The following NRG1 variants were observed in gnomAD, a reference collection of about 807,000 sequenced individuals.
NRG1 encodes pro-neuregulin-1, membrane-bound isoform.
A neutral mutation model predicts 63.8 loss-of-function variants in NRG1; 18 were observed. The ratio of observed to expected loss-of-function variants is 0.28; its 90% confidence interval spans 0.19 to 0.42. The LOEUF (loss-of-function observed/expected upper bound fraction) is 0.42. Among genes scored for constraint, NRG1 ranks in the 10% least tolerant of loss-of-function variants. NRG1 has a pLI of 1.00. For synonymous variants in NRG1, 302 were observed against 301.3 expected (o/e 1.00, Z -0.02); for missense variants, 762 against 814.7 (o/e 0.94, Z 0.79).
intron 1 of NRG1, among the ~76,000 whole-genome samples, chr8:31,813,973 C>T (rs1344430441): frequency 6.6e-6 from 1 of 152,192 alleles, no homozygotes; most frequent in Admixed American, 6.5e-5. Context: ...CAAATTATTA[C>T]ATGCCAGTGA....
chr8:32,504,601 AT>A (rs1375543831), intron 1 of NRG1, among the ~76,000 whole-genome samples: 2 of 152,160 alleles, frequency 1.3e-5, no homozygotes, highest in African/African-American at 4.8e-5. Context: ...TTATTTTAAA[AT>A]TTAATTTATT....
chr8:32,172,441 C>G (rs889662375), intron 1 of NRG1, among the ~76,000 whole-genome samples: 1 of 152,198 alleles, frequency 6.6e-6, no homozygotes, highest in East Asian at 1.9e-4. Flanking sequence ...CAGAACGCCT[C>G]TCCTCCTCCA....
At chr8:32,198,384 G>A (rs1469146387) in intron 1 of NRG1, among the ~76,000 whole-genome samples, 2 of 152,020 alleles carry the variant, frequency 1.3e-5, no homozygotes, top group African/African-American at 4.8e-5. Context: ...CGCCATGTTG[G>A]TCAGGCTGGT....
chr8:32,146,030 T>C (rs900949486), intron 1 of NRG1, among the ~76,000 whole-genome samples: 5 of 152,300 alleles, frequency 3.3e-5, no homozygotes, highest in African/African-American at 1.2e-4. Context: ...AATAATTTCT[T>C]GGGAAGAGTT....
intron 11 of NRG1, 21 bp from the exon 12 acceptor site, chr8:32,763,727 G>A (rs1271724815): frequency 6.6e-7 from 1 of 1,525,828 alleles, no homozygotes; most frequent in Admixed American, 2.2e-5. Context: ...CACTTATGCA[G>A]GGTATTCTGT....
intron 1 of NRG1, among the ~76,000 whole-genome samples, chr8:31,851,135 A>G (rs1232736490): frequency 6.6e-6 from 1 of 152,244 alleles, no homozygotes; most frequent in Non-Finnish European, 1.5e-5. Flanking sequence ...TAGTAGTCTC[A>G]TTGCTTTATT....
chr8:32,249,492 A>G (rs1156391382), intron 1 of NRG1, among the ~76,000 whole-genome samples: 2 of 152,148 alleles, frequency 1.3e-5, no homozygotes, highest in Admixed American at 6.6e-5. Context: ...CAAACAGAAA[A>G]GCGTAGCAAA....
chr8:32,685,128 A>G (rs1404524210), intron 5 of NRG1, among the ~76,000 whole-genome samples: 1 of 152,198 alleles, frequency 6.6e-6, no homozygotes, highest in Non-Finnish European at 1.5e-5. Flanking sequence ...CTATTAAAAA[A>G]AATTTAAATT....
At chr8:32,401,342 A>T (rs892592744) in intron 1 of NRG1, among the ~76,000 whole-genome samples, 1 of 152,012 alleles carries the variant, frequency 6.6e-6, no homozygotes, top group African/African-American at 2.4e-5. Flanking sequence ...AAAAAATAAA[A>T]CTGCAAACGT....
chr8:32,326,225 G>A (rs1301247549), intron 1 of NRG1, among the ~76,000 whole-genome samples: 1 of 151,146 alleles, frequency 6.6e-6, no homozygotes, highest in Non-Finnish European at 1.5e-5. Context: ...GGTCAGGCTG[G>A]TCTTGAACTC....
At chr8:32,235,740 A>G (rs1335136467) in intron 1 of NRG1, among the ~76,000 whole-genome samples, 1 of 152,186 alleles carries the variant, frequency 6.6e-6, no homozygotes, top group Non-Finnish European at 1.5e-5. Context: ...TAAAGTTAAC[A>G]CTTTCAAAAA....
At chr8:31,652,850 T>G (rs2130889519) in intron 1 of NRG1, among the ~76,000 whole-genome samples, 1 of 152,142 alleles carries the variant, frequency 6.6e-6, no homozygotes, top group Non-Finnish European at 1.5e-5. Flanking sequence ...TTTCTTTGCT[T>G]TTCCTTTTCT....
Position 31,667,336 on chromosome 8 carries a change from T to A in NRG1, c.37+27905T>A, listed in dbSNP as rs1585523302. Among the ~76,000 whole-genome samples the A allele has an allele frequency of 2.6e-5, 4 of 152,244 alleles. No homozygotes were observed. The South Asian group carries it at 6.2e-4, about 24-fold the overall frequency. ...AGAGGTTGGAGTTTGTGGCTCAGAT[T>A]TGGGAGGGTTCATTTATCAATTCAT... On this transcript the variant is annotated intron_variant, in intron 1 of 10. Coordinates refer to the NRG1 transcript ENST00000519301.
At chr8:31,644,114 A>AT (rs1419289232) in intron 1 of NRG1, among the ~76,000 whole-genome samples, 2 of 152,188 alleles carry the variant, frequency 1.3e-5, no homozygotes, top group African/African-American at 4.8e-5. Context: ...TGCTGCAGAG[A>AT]TTTTCCAGTC....
At chr8:32,362,509 A>G (rs1807358818) in intron 1 of NRG1, among the ~76,000 whole-genome samples, 1 of 152,216 alleles carries the variant, frequency 6.6e-6, no homozygotes, top group African/African-American at 2.4e-5. Flanking sequence ...TTACAATGGT[A>G]TCTGTAGTAC....
At chr8:32,755,049 T>A (rs762976939) in intron 8 of NRG1, among the ~76,000 whole-genome samples, 2 of 152,182 alleles carry the variant, frequency 1.3e-5, no homozygotes, top group African/African-American at 2.4e-5. Flanking sequence ...TTTTAAATTC[T>A]ATCTAATTAG....
chr8:32,709,269 A>G (rs1817215188), intron 5 of NRG1, among the ~76,000 whole-genome samples: 1 of 152,196 alleles, frequency 6.6e-6, no homozygotes, highest in Non-Finnish European at 1.5e-5. Context: ...TAAAAACTAT[A>G]TAATATTTTT....
rs555565625 is a variant in NRG1 at position 31,663,546 on chromosome 8, A to G, written c.37+24115A>G. ...GCTTACATTATGGATAGAAGATTGA[A>G]GGTCACACTTCTGTGGGTGTCCTAC... On this transcript the variant is annotated intron_variant, in intron 1 of 10. Coordinates refer to the NRG1 transcript ENST00000519301. Among the ~76,000 whole-genome samples the G allele has an allele frequency of 2.0e-4, 30 of 152,288 alleles. No homozygotes were observed. The East Asian group carries it at 5.6e-3, about 29-fold the overall frequency.
At chr8:31,646,981 T>G (rs1052546501) in intron 1 of NRG1, among the ~76,000 whole-genome samples, 1 of 152,222 alleles carries the variant, frequency 6.6e-6, no homozygotes, top group African/African-American at 2.4e-5. Flanking sequence ...CTGTGTAGCT[T>G]ATAGCCCAGC....
Sources: allele counts gnomAD v4.1 joint callset (sites outside exome capture counted in the v4.1 genomes callset), GRCh38; gene constraint gnomAD v4.1.1; transcripts MANE v1.5; gene names NCBI Gene and HGNC (gene_info 2026-07-23, HGNC 2026-07-21).